IFT80: variants seen among roughly 807,000 people sequenced by gnomAD.
IFT80 encodes the protein intraflagellar transport 80.
A neutral mutation model predicts 107.9 loss-of-function variants in IFT80; 79 were observed. That is an observed-to-expected ratio of 0.73 (90% CI 0.61 to 0.88). The LOEUF (loss-of-function observed/expected upper bound fraction) is 0.88. Ranked by LOEUF, IFT80 falls within the 40% of genes least tolerant of loss-of-function variation. The probability of loss-of-function intolerance (pLI) is 0.00; values close to 1 mark genes in which losing one functional copy is unlikely to be tolerated. For synonymous variants in IFT80, 299 were observed against 300.9 expected (o/e 0.99, Z 0.07); for missense variants, 797 against 914.2 (o/e 0.87, Z 1.65).
chr3:160,343,390 A>G (rs184124470), intron 8 of IFT80, among the ~76,000 whole-genome samples: 3 of 152,296 alleles, frequency 2.0e-5, no homozygotes, highest in Admixed American at 2.0e-4. Flanking sequence ...ATTAAAAATA[A>G]GGCCAAGTAC....
chr3:160,380,173 T>C (rs1712362444), intron 3 of IFT80, among the ~76,000 whole-genome samples: 1 of 151,886 alleles, frequency 6.6e-6, no homozygotes, highest in Non-Finnish European at 1.5e-5. Flanking sequence ...GCTGGGACTA[T>C]AGGCATGTGC....
intron 18 of IFT80, among the ~76,000 whole-genome samples, chr3:160,273,928 A>G (rs1343589016): frequency 2.0e-5 from 3 of 152,184 alleles, no homozygotes; most frequent in African/African-American, 7.2e-5. Flanking sequence ...ATGCCAGGAG[A>G]TAAGAAGAAT....
rs372012017 is a variant in IFT80, at chr3:160,311,464, T to C, written c.958-3683A>G. ...TACTATGGTAATGTTAAAATGAAAA[T>C]AGTTCTTATCTTTCAGACTGTTTAA... On this transcript the variant is annotated intron_variant, in intron 9 of 19. Transcript: ENST00000326448. 1.9e-3 allele frequency among the ~76,000 whole-genome samples: 295 copies of C among 152,300 alleles called. 1 individual carries two copies. Among genetic ancestry groups the C allele is most frequent in the Middle Eastern group, 6.8e-3 (2 of 294 alleles).
chr3:160,343,419 T>TC (rs1444038442), intron 8 of IFT80, among the ~76,000 whole-genome samples: 2 of 152,170 alleles, frequency 1.3e-5, no homozygotes, highest in Admixed American at 1.3e-4. Context: ...TTTAGATCTT[T>TC]CCCCTTGGAT....
chr3:160,295,706 T>C (rs950954770), intron 12 of IFT80, among the ~76,000 whole-genome samples: 8 of 152,232 alleles, frequency 5.3e-5, no homozygotes, highest in African/African-American at 1.9e-4. Flanking sequence ...CCCATGTTCA[T>C]TGCAGCACTG....
chr3:160,271,517 A>G (rs1435070137), intron 18 of IFT80, among the ~76,000 whole-genome samples: 2 of 152,168 alleles, frequency 1.3e-5, no homozygotes, highest in African/African-American at 4.8e-5. Context: ...GTTTTTGAGA[A>G]CAGACTACTA....
intron 5 of IFT80, among the ~76,000 whole-genome samples, chr3:160,374,969 T>G (rs1711885901): frequency 6.6e-6 from 1 of 152,176 alleles, no homozygotes; most frequent in Admixed American, 6.5e-5. Context: ...AACATTCAGT[T>G]AATATACAGC....
chr3:160,259,869 A>C (rs1434657502), intron 19 of IFT80, among the ~76,000 whole-genome samples: 1 of 152,218 alleles, frequency 6.6e-6, no homozygotes. Context: ...ACAGGAAATA[A>C]ATCCAAACCC....
intron 3 of IFT80, 58 bp downstream of exon 3, chr3:160,381,445 C>G: frequency 7.9e-7 from 1 of 1,271,166 alleles, no homozygotes; most frequent in Non-Finnish European, 1.1e-6. Flanking sequence ...AAGCATAAAT[C>G]ATACTATTAA....
intron 18 of IFT80, among the ~76,000 whole-genome samples, chr3:160,271,953 A>T (rs1170909107): frequency 6.6e-6 from 1 of 152,022 alleles, no homozygotes; most frequent in Non-Finnish European, 1.5e-5. Context: ...AAAAAAAAAA[A>T]ACCTAAATCT....
chr3:160,341,866 G>C (rs1158559211), intron 8 of IFT80, among the ~76,000 whole-genome samples: 2 of 152,066 alleles, frequency 1.3e-5, no homozygotes, highest in African/African-American at 4.8e-5. Flanking sequence ...CCTTTCCCTG[G>C]CTTCTGGAAG....
intron 6 of IFT80, among the ~76,000 whole-genome samples, chr3:160,364,860 G>A (rs1721752376): frequency 6.6e-6 from 1 of 152,064 alleles, no homozygotes; most frequent in Non-Finnish European, 1.5e-5. Flanking sequence ...CGTAAGGTGG[G>A]GGGCTGGGGG....
intron 8 of IFT80, among the ~76,000 whole-genome samples, chr3:160,324,379 A>C (rs555563112): frequency 6.6e-6 from 1 of 152,322 alleles, no homozygotes; most frequent in Admixed American, 6.5e-5. Context: ...AAAAATCCTC[A>C]ATAAAATACT....
chr3:160,360,624 C>T (rs1401045650), intron 6 of IFT80, among the ~76,000 whole-genome samples: 4 of 152,132 alleles, frequency 2.6e-5, no homozygotes. Flanking sequence ...GGGTTACCCA[C>T]AAAGGGAATC....
chr3:160,268,956 C>T (rs1713574736), intron 18 of IFT80, among the ~76,000 whole-genome samples: 1 of 152,086 alleles, frequency 6.6e-6, no homozygotes, highest in African/African-American at 2.4e-5. Context: ...AGGCTGGGCA[C>T]AGTGGTTCAT....
chr3:160,316,304 C>A (rs557070901), intron 9 of IFT80, among the ~76,000 whole-genome samples: 21 of 152,110 alleles, frequency 1.4e-4, no homozygotes, highest in Admixed American at 2.0e-4. Flanking sequence ...ATCTTGCCAA[C>A]CATCATGTCA....
intron 8 of IFT80, among the ~76,000 whole-genome samples, chr3:160,346,457 G>A (rs1347283594): frequency 6.6e-6 from 1 of 152,112 alleles, no homozygotes. Context: ...CATTCTCAGG[G>A]ATGGTTTCTA....
chr3:160,394,337 A>C (rs1235685100), intron 1 of IFT80: 4 of 151,228 alleles, frequency 2.6e-5, no homozygotes, highest in Admixed American at 6.6e-5. Flanking sequence ...TCACAAAAAA[A>C]TCTCATAATG....
At chr3:160,313,480 T>C (rs1334875430) in intron 9 of IFT80, among the ~76,000 whole-genome samples, 1 of 152,040 alleles carries the variant, frequency 6.6e-6, no homozygotes, top group Non-Finnish European at 1.5e-5. Flanking sequence ...TTTTTGTGAA[T>C]CTGGTACACT....
Sources: allele counts gnomAD v4.1 joint callset (sites outside exome capture counted in the v4.1 genomes callset), GRCh38; gene constraint gnomAD v4.1.1; transcripts MANE v1.5; gene names NCBI Gene and HGNC (gene_info 2026-07-23, HGNC 2026-07-21).